The following BTBD9 variants were observed in gnomAD, a reference collection of about 807,000 sequenced individuals.
BTBD9 encodes BTB/POZ domain-containing protein 9.
Under a neutral mutation model 64.3 loss-of-function variants are expected in BTBD9, and 49 were observed. That is an observed-to-expected ratio of 0.76 (90% CI 0.61 to 0.97). The LOEUF is 0.97. Ranked by LOEUF, BTBD9 falls within the 50% of genes least tolerant of loss-of-function variation. The probability of loss-of-function intolerance (pLI) is 0.00; values close to 1 mark genes in which losing one functional copy is unlikely to be tolerated. For missense variants in BTBD9, 598 were observed against 762.1 expected (o/e 0.78, Z 2.53); for synonymous variants, 260 against 274.7 (o/e 0.95, Z 0.53).
chr6:38,633,835 C>T, intron 1 of BTBD9, among the ~76,000 whole-genome samples: 1 of 151,994 alleles, frequency 6.6e-6, no homozygotes, highest in East Asian at 1.9e-4. Flanking sequence ...GGCCCCATCC[C>T]TATACTCGTC....
chr6:38,263,754 A>G (rs994506049), intron 8 of BTBD9, among the ~76,000 whole-genome samples: 1 of 152,170 alleles, frequency 6.6e-6, no homozygotes, highest in African/African-American at 2.4e-5. Context: ...AAAACCTACT[A>G]GGGCCCTCCG....
At chr6:38,505,700 C>T (rs559870975) in intron 6 of BTBD9, among the ~76,000 whole-genome samples, 3 of 151,808 alleles carry the variant, frequency 2.0e-5, no homozygotes, top group South Asian at 2.1e-4. Context: ...GGTGCAGTGG[C>T]TCACGCCTGT....
chr6:38,443,527 T>C (rs149493019), intron 6 of BTBD9, among the ~76,000 whole-genome samples: 106 of 152,186 alleles, frequency 7.0e-4, no homozygotes, highest in African/African-American at 2.5e-3. Context: ...CCACTTCCTC[T>C]CTCCTCCAAA....
At chr6:38,419,176 T>G (rs1350431037) in intron 6 of BTBD9, among the ~76,000 whole-genome samples, 1 of 152,256 alleles carries the variant, frequency 6.6e-6, no homozygotes, top group Admixed American at 6.5e-5. Context: ...TAGTTTACTA[T>G]TTTAATGCAT....
intron 7 of BTBD9, among the ~76,000 whole-genome samples, chr6:38,336,452 G>C (rs1015940226): frequency 2.0e-5 from 3 of 152,166 alleles, no homozygotes; most frequent in African/African-American, 7.2e-5. Context: ...GAGAAGAAAG[G>C]CACCTTCTTC....
intron 9 of BTBD9, among the ~76,000 whole-genome samples, chr6:38,235,399 C>T (rs2127520270): frequency 6.6e-6 from 1 of 152,250 alleles, no homozygotes; most frequent in South Asian, 2.1e-4. Context: ...TCTTTTAGAA[C>T]CAACCTTCAG....
At chr6:38,309,856 A>T (rs1762764727) in intron 7 of BTBD9, among the ~76,000 whole-genome samples, 1 of 152,094 alleles carries the variant, frequency 6.6e-6, no homozygotes, top group African/African-American at 2.4e-5. Flanking sequence ...ATTTTTTCTA[A>T]AAGTAGTACT....
At chr6:38,251,429 T>A (rs1244138770) in intron 9 of BTBD9, among the ~76,000 whole-genome samples, 1 of 151,850 alleles carries the variant, frequency 6.6e-6, no homozygotes, top group East Asian at 2.0e-4. Flanking sequence ...CAGGCCCAGC[T>A]AATTTTTGTA....
intron 6 of BTBD9, among the ~76,000 whole-genome samples, chr6:38,506,916 T>C (rs1312830513): frequency 6.6e-6 from 1 of 152,156 alleles, no homozygotes; most frequent in African/African-American, 2.4e-5. Context: ...CACCATCTCA[T>C]TTATACTGTT....
Position 38,243,446 on chromosome 6 carries a change from G to A in BTBD9, c.1562+12963C>T, listed in dbSNP as rs541872463. The stretch of plus-strand genomic sequence containing the variant: ...TCTAGACTCTAGTACAGCAACAGAC[G>A]TAGAGTATAGAAATTCTCTGCAACA... On this transcript the variant is annotated intron_variant, in intron 9 of 10. Coordinates refer to ENST00000481247, the MANE Select transcript of BTBD9 (RefSeq NM_001099272.2). Among the ~76,000 whole-genome samples, 289 of 119,558 alleles carry A rather than the reference G, an allele frequency of 2.4e-3. 2 individuals carry two copies. The highest frequency in any genetic ancestry group is 2.9e-3 in the Non-Finnish European group (143 of 50,042). The allele number at this position is 119,558 out of a possible 152,430, so 78.4% of individuals were successfully genotyped here.
At chr6:38,592,532 C>T in intron 4 of BTBD9, 44 bp downstream of exon 4, 1 of 1,600,148 alleles carries the variant, frequency 6.2e-7, no homozygotes, top group East Asian at 2.2e-5. Flanking sequence ...GCATGAGAGG[C>T]ATACCAAGCT....
At chr6:38,325,327 A>C (rs1763379900) in intron 7 of BTBD9, among the ~76,000 whole-genome samples, 1 of 152,200 alleles carries the variant, frequency 6.6e-6, no homozygotes, top group African/African-American at 2.4e-5. Flanking sequence ...AAGGTATTGC[A>C]TGGAAAACTA....
At chr6:38,415,717 C>A (rs1767636587) in intron 6 of BTBD9, among the ~76,000 whole-genome samples, 1 of 152,154 alleles carries the variant, frequency 6.6e-6, no homozygotes, top group Admixed American at 6.5e-5. Flanking sequence ...CTTCTTCATC[C>A]CCGTTATTGC....
At chr6:38,471,217 AG>A in intron 6 of BTBD9, among the ~76,000 whole-genome samples, 1 of 152,194 alleles carries the variant, frequency 6.6e-6, no homozygotes, top group East Asian at 1.9e-4. Flanking sequence ...ATAAAAGCTC[AG>A]CTCTGGGTGA....
At chr6:38,328,685 C>T (rs934725779) in intron 7 of BTBD9, among the ~76,000 whole-genome samples, 2 of 150,604 alleles carry the variant, frequency 1.3e-5, no homozygotes, top group African/African-American at 4.9e-5. Flanking sequence ...CGGTGGCTCA[C>T]GCCTGTAATC....
intron 4 of BTBD9, among the ~76,000 whole-genome samples, chr6:38,591,728 G>A (rs975512411): frequency 2.6e-5 from 4 of 152,154 alleles, no homozygotes; most frequent in African/African-American, 4.8e-5. Context: ...ATTAAATCGT[G>A]TAGGACCTGT....
At chr6:38,392,444 C>G (rs1411247036) in intron 6 of BTBD9, among the ~76,000 whole-genome samples, 1 of 152,140 alleles carries the variant, frequency 6.6e-6, no homozygotes, top group Non-Finnish European at 1.5e-5. Flanking sequence ...ACCAGAGACA[C>G]AGCAACTCCT....
chr6:38,357,820 C>G (rs1484527566), intron 6 of BTBD9, among the ~76,000 whole-genome samples: 1 of 152,188 alleles, frequency 6.6e-6, no homozygotes, highest in South Asian at 2.1e-4. Context: ...CACCTTGTTG[C>G]TGCTCCTCCA....
intron 9 of BTBD9, among the ~76,000 whole-genome samples, chr6:38,218,462 G>C (rs1334909465): frequency 6.6e-6 from 1 of 152,172 alleles, no homozygotes; most frequent in East Asian, 1.9e-4. Flanking sequence ...CTAACTGCCA[G>C]ATTCTATGCT....
Sources: gnomAD v4.1 joint callset for allele counts (sites outside exome capture counted in the v4.1 genomes callset) on GRCh38, gnomAD v4.1.1 for gene constraint, MANE v1.5 for transcripts, NCBI Gene and HGNC (gene_info 2026-07-23, HGNC 2026-07-21) for gene names.